OPCML: variants seen among roughly 807,000 people sequenced by gnomAD.
OPCML encodes opioid-binding protein/cell adhesion molecule.
In OPCML, 13 loss-of-function variants were observed where a neutral mutation model predicts 37.8. That is an observed-to-expected ratio of 0.34 (90% CI 0.22 to 0.55). The LOEUF is 0.55. Among genes scored for constraint, OPCML ranks in the 20% least tolerant of loss-of-function variants. The probability of loss-of-function intolerance (pLI) is 0.91; values close to 1 mark genes in which losing one functional copy is unlikely to be tolerated. For missense variants in OPCML, 341 were observed against 435.6 expected, an observed-to-expected ratio of 0.78 and a Z score of 1.93; for synonymous variants, 176 against 168.8, an observed-to-expected ratio of 1.04 and a Z score of -0.33.
At chr11:133,456,025 G>A (rs7927384) in intron 1 of OPCML, among the ~76,000 whole-genome samples, 15,148 of 152,198 alleles carry the variant, frequency 0.1, 1,605 homozygotes, top group African/African-American at 0.26. Flanking sequence ...GTTTGCTGTC[G>A]TGTCTGACTT....
intron 1 of OPCML, among the ~76,000 whole-genome samples, chr11:133,063,391 G>A (rs1187562093): frequency 6.6e-6 from 1 of 152,178 alleles, no homozygotes; most frequent in African/African-American, 2.4e-5. Flanking sequence ...TCTTAGAAAA[G>A]GTCCCAGGGA....
chr11:132,434,907 A>C lies in OPCML; in HGVS notation c.916+1179T>G, dbSNP rs528298400. On this transcript the variant is annotated intron_variant, in intron 7 of 7. Coordinates refer to ENST00000524381, the MANE Select transcript of OPCML (RefSeq NM_001012393.5). ...ATTCTTTTCAAAGATGACCAAATAT[A>C]AGGTTCTTGTTTTGGGGGCAAAAAC... Among the ~76,000 whole-genome samples, 8 of 152,274 alleles carry C rather than the reference A, an allele frequency of 5.3e-5. No individual in the cohort carries two copies. In the South Asian group the frequency reaches 1.5e-3, roughly 28 times the overall value.
At position 132,639,978 on chromosome 11, in the gene OPCML, T is replaced by C. The variant is rs1190734533; in HGVS notation, c.379+17109A>G. ...GAGGCAAATGTGAGCATCTCCTAAA[T>C]TGCATGAGGCCCAGAAATTGTTTTC... is the stretch of plus-strand genomic sequence containing the variant. On this transcript the variant is annotated intron_variant, in intron 3 of 7. Transcript: ENST00000524381. Among the ~76,000 whole-genome samples, 8 of 152,274 alleles carry C rather than the reference T, an allele frequency of 5.3e-5. No individual in the cohort carries two copies. In the East Asian group the frequency reaches 1.2e-3, roughly 22 times the overall value.
chr11:133,440,632 C>T (rs1414353716), intron 1 of OPCML, among the ~76,000 whole-genome samples: 1 of 149,328 alleles, frequency 6.7e-6, no homozygotes, highest in Non-Finnish European at 1.5e-5. Context: ...GAAGCTGAGG[C>T]AGGAGAATCT....
At chr11:132,725,248 G>C (rs940088501) in intron 2 of OPCML, among the ~76,000 whole-genome samples, 3 of 152,184 alleles carry the variant, frequency 2.0e-5, no homozygotes, top group African/African-American at 7.2e-5. Flanking sequence ...CTGTGCACTG[G>C]CAGGCTCAAC....
At chr11:132,435,341 C>T in intron 7 of OPCML, 2 of 621,272 alleles carry the variant, frequency 3.2e-6, no homozygotes, top group Non-Finnish European at 4.0e-6. Context: ...CTCTCTTCAT[C>T]CTTCATCCTC....
chr11:132,842,452 G>A (rs1326175788), intron 2 of OPCML, among the ~76,000 whole-genome samples: 3 of 152,128 alleles, frequency 2.0e-5, no homozygotes, highest in Non-Finnish European at 2.9e-5. Context: ...AAACAAACTT[G>A]GTTTGAGGAC....
At chr11:133,404,510 A>G (rs1043190844) in intron 1 of OPCML, among the ~76,000 whole-genome samples, 2 of 152,224 alleles carry the variant, frequency 1.3e-5, no homozygotes, top group African/African-American at 2.4e-5. Context: ...TAAGCAAATT[A>G]TCCTCCTACT....
intron 1 of OPCML, among the ~76,000 whole-genome samples, chr11:132,988,117 T>TA (rs1170730206): frequency 1.3e-5 from 2 of 152,208 alleles, no homozygotes; most frequent in African/African-American, 2.4e-5. Context: ...CTCTTTTTTT[T>TA]ATTAGGACAA....
chr11:133,157,683 A>G (rs542547311), intron 1 of OPCML, among the ~76,000 whole-genome samples: 36 of 152,250 alleles, frequency 2.4e-4, no homozygotes, highest in African/African-American at 8.2e-4. Flanking sequence ...AGAACCAGTC[A>G]TCAACTCCCC....
chr11:132,477,868 T>G (rs920243479), intron 4 of OPCML, among the ~76,000 whole-genome samples: 10 of 152,228 alleles, frequency 6.6e-5, no homozygotes, highest in Admixed American at 5.9e-4. Flanking sequence ...TAGAGTAATT[T>G]ACTTGTAAAG....
At chr11:132,633,113 C>T (rs915836544) in intron 3 of OPCML, among the ~76,000 whole-genome samples, 13 of 152,054 alleles carry the variant, frequency 8.5e-5, no homozygotes, top group South Asian at 4.2e-4. Context: ...CTAGGCTAAT[C>T]GAAAATCTGC....
At chr11:132,639,566 A>G (rs1335233888) in intron 3 of OPCML, among the ~76,000 whole-genome samples, 1 of 152,220 alleles carries the variant, frequency 6.6e-6, no homozygotes, top group Non-Finnish European at 1.5e-5. Context: ...ATCCGAACAC[A>G]ATCCTTTCAC....
chr11:132,533,126 G>A (rs2096330689), intron 3 of OPCML, among the ~76,000 whole-genome samples: 1 of 152,192 alleles, frequency 6.6e-6, no homozygotes, highest in South Asian at 2.1e-4. Flanking sequence ...AAGACCCACA[G>A]AGTTTAACTA....
At chr11:133,074,607 T>A (rs1388874636) in intron 1 of OPCML, among the ~76,000 whole-genome samples, 1 of 151,868 alleles carries the variant, frequency 6.6e-6, no homozygotes, top group Non-Finnish European at 1.5e-5. Flanking sequence ...CTGGGGAGAG[T>A]AAAGGATGCC....
chr11:132,787,931 T>A (rs111824786), intron 2 of OPCML, among the ~76,000 whole-genome samples: 3,783 of 152,306 alleles, frequency 0.025, 97 homozygotes, highest in African/African-American at 0.068. Context: ...ACCAGGCTGG[T>A]GTGCAGTGGT....
chr11:133,409,472 T>A (rs772616045), intron 1 of OPCML, among the ~76,000 whole-genome samples: 7 of 152,180 alleles, frequency 4.6e-5, no homozygotes, highest in Non-Finnish European at 1.0e-4. Flanking sequence ...AGTCTCCCAG[T>A]GGGAATTTAA....
intron 3 of OPCML, among the ~76,000 whole-genome samples, chr11:132,655,542 G>A (rs780645933): frequency 1.3e-5 from 2 of 152,210 alleles, no homozygotes; most frequent in Non-Finnish European, 2.9e-5. Context: ...GTGGAAACCC[G>A]CAGCATCTGT....
At chr11:133,274,511 G>A (rs1322210072) in intron 1 of OPCML, among the ~76,000 whole-genome samples, 7 of 152,200 alleles carry the variant, frequency 4.6e-5, no homozygotes. Context: ...GTTCTCCCCT[G>A]TAGGTTTCTG....
Sources: allele counts gnomAD v4.1 joint callset (sites outside exome capture counted in the v4.1 genomes callset), GRCh38; gene constraint gnomAD v4.1.1; transcripts MANE v1.5; gene names NCBI Gene and HGNC (gene_info 2026-07-23, HGNC 2026-07-21).